FRYL: variants seen among roughly 807,000 people sequenced by gnomAD.
The protein encoded by FRYL is FRY like transcription coactivator.
FRYL carries 150 observed loss-of-function variants against 351.2 expected under a neutral mutation model. The ratio of observed to expected loss-of-function variants is 0.43; its 90% CI spans 0.37 to 0.49. FRYL has a LOEUF of 0.49. Ranked by LOEUF, FRYL falls within the 20% of genes least tolerant of loss-of-function variation. The pLI, the probability that FRYL is intolerant of heterozygous loss-of-function variation, is 0.00. For missense variants in FRYL, 3,036 were observed against 3,619.3 expected (o/e 0.84, Z 4.13); for synonymous variants, 1,153 against 1,257.1 (o/e 0.92, Z 1.75).
chr4:48,749,096 C>T (rs563950666), intron 1 of FRYL, among the ~76,000 whole-genome samples: 1 of 152,104 alleles, frequency 6.6e-6, no homozygotes, highest in Non-Finnish European at 1.5e-5. Flanking sequence ...TCAGAAAGGC[C>T]GAGAGGGGCC....
rs1342965108 is a variant in FRYL at position 48,540,964 on chromosome 4, A to G, written c.5688-4T>C. 6.5e-7 allele frequency: 1 copy of G among 1,528,512 alleles called. No homozygotes were observed. 94.7% of individuals were successfully genotyped at this position (1,528,512 alleles called of 1,614,324 possible). A position where few individuals can be genotyped will look rare whatever the true frequency, so the allele number is the denominator to read the frequency against. ...TATAGGATCATGATATGAGGTTCTTAAAAAAAAGAAAGAATAGATGAATGC... is the reference window on the plus strand; with the variant it reads ...TATAGGATCATGATATGAGGTTCTTGAAAAAAAGAAAGAATAGATGAATGC... On this transcript the variant is annotated splice_polypyrimidine_tract_variant and splice_region_variant and intron_variant, in intron 45 of 63. Transcript: ENST00000358350.
intron 1 of FRYL, among the ~76,000 whole-genome samples, chr4:48,718,495 T>C (rs1769117071): frequency 6.6e-6 from 1 of 151,596 alleles, no homozygotes; most frequent in South Asian, 2.1e-4. Flanking sequence ...TATACGTTAG[T>C]TGTATAAAAG....
At chr4:48,604,607 T>C (rs1359656626) in intron 11 of FRYL, among the ~76,000 whole-genome samples, 1 of 152,304 alleles carries the variant, frequency 6.6e-6, no homozygotes, top group African/African-American at 2.4e-5. Flanking sequence ...CACAAGAGGC[T>C]AAGCAAGGGG....
At chr4:48,776,524 A>G (rs1232647959) in intron 1 of FRYL, among the ~76,000 whole-genome samples, 1 of 152,232 alleles carries the variant, frequency 6.6e-6, no homozygotes, top group Admixed American at 6.5e-5. Context: ...ACTTCTGTTA[A>G]TTTTAGCAAA....
rs1464599457 is a variant in FRYL, at chr4:48,607,090, G to A, written c.573-484C>T. On this transcript the variant is annotated intron_variant, in intron 9 of 63. Coordinates refer to ENST00000358350, the MANE Select transcript of FRYL (RefSeq NM_015030.2). ...CTTAAAATCAATACATCATTACACTGCCAAAAGGCTTTTGAAATGTGAGCA... is the reference window on the plus strand; with the variant it reads ...CTTAAAATCAATACATCATTACACTACCAAAAGGCTTTTGAAATGTGAGCA... Among the ~76,000 whole-genome samples, 7 of 152,208 alleles carry A rather than the reference G, an allele frequency of 4.6e-5. No homozygotes were observed. In the South Asian group the frequency reaches 1.2e-3, roughly 27 times the overall value.
At chr4:48,538,111 C>A (rs879218171) in intron 47 of FRYL, among the ~76,000 whole-genome samples, 1 of 152,004 alleles carries the variant, frequency 6.6e-6, no homozygotes, top group Admixed American at 6.6e-5. Flanking sequence ...TGGTTTTAGG[C>A]GAGTAATCAT....
chr4:48,690,740 T>C (rs1198768426), intron 2 of FRYL, among the ~76,000 whole-genome samples: 3 of 152,154 alleles, frequency 2.0e-5, no homozygotes, highest in Non-Finnish European at 2.9e-5. Flanking sequence ...ATATGTATAG[T>C]TTTTTTAATT....
At chr4:48,529,347 C>A (rs1159777196) in intron 50 of FRYL, among the ~76,000 whole-genome samples, 1 of 152,140 alleles carries the variant, frequency 6.6e-6, no homozygotes, top group Non-Finnish European at 1.5e-5. Flanking sequence ...TGGTGTATCT[C>A]CAGTGCCTAT....
chr4:48,506,778 C>CAAAG (rs1365265995), intron 59 of FRYL, among the ~76,000 whole-genome samples: 1 of 151,420 alleles, frequency 6.6e-6, no homozygotes, highest in Admixed American at 6.6e-5. Context: ...GTTGTACCCA[C>CAAAG]AAAGAAAGAA....
At chr4:48,511,040 T>C (rs1398137375) in intron 57 of FRYL, 56 bp from the exon 58 acceptor site, 2 of 1,242,458 alleles carry the variant, frequency 1.6e-6, no homozygotes, top group Non-Finnish European at 2.3e-6. Flanking sequence ...CCTTTTTTCA[T>C]CTTTAAGTAA....
At chr4:48,602,234 T>A in intron 12 of FRYL, 113 bp from the exon 13 acceptor site, 4 of 626,368 alleles carry the variant, frequency 6.4e-6, no homozygotes, top group Non-Finnish European at 2.9e-6. Context: ...TTTTAAGCAG[T>A]TTTCCAATTC....
At chr4:48,562,032 AAAAC>A (rs1300904760) in intron 32 of FRYL, among the ~76,000 whole-genome samples, 1 of 152,114 alleles carries the variant, frequency 6.6e-6, no homozygotes, top group Non-Finnish European at 1.5e-5. Context: ...AAAATGAAAC[AAAAC>A]AAACAAAAAC....
chr4:48,779,254 A>G (rs1481473363), intron 1 of FRYL, among the ~76,000 whole-genome samples: 2 of 152,228 alleles, frequency 1.3e-5, no homozygotes, highest in African/African-American at 2.4e-5. Context: ...TGCAAAGAAG[A>G]GCTCAGCGCC....
Position 48,703,766 on chromosome 4 carries a change from C to T in FRYL, c.-204+6753G>A, listed in dbSNP as rs1228454642. Among the ~76,000 whole-genome samples the T allele has an allele frequency of 2.0e-5, 3 of 152,164 alleles. No homozygotes were observed. The East Asian group carries it at 5.8e-4, about 29-fold the overall frequency. On this transcript the variant is annotated intron_variant, in intron 2 of 63. Coordinates refer to ENST00000358350, the MANE Select transcript of FRYL (RefSeq NM_015030.2). ...ACATAGTTTGTGTATTTGTGGAACA[C>T]CTACTCCCCTCTTAGACCATTCCCT... is the stretch of plus-strand genomic sequence containing the variant.
At chr4:48,716,542 C>T (rs941989073) in intron 1 of FRYL, among the ~76,000 whole-genome samples, 44 of 151,604 alleles carry the variant, frequency 2.9e-4, no homozygotes, top group African/African-American at 9.9e-4. Context: ...CCATCACTGG[C>T]CATCAGAGAA....
chr4:48,675,362 G>T (rs1270556472), intron 3 of FRYL, among the ~76,000 whole-genome samples: 1 of 152,204 alleles, frequency 6.6e-6, no homozygotes, highest in South Asian at 2.1e-4. Context: ...AGCGGAAACC[G>T]GGGCTGCCTG....
chr4:48,619,653 C>T (rs567416399), intron 6 of FRYL, among the ~76,000 whole-genome samples: 44 of 152,090 alleles, frequency 2.9e-4, no homozygotes, highest in Admixed American at 2.9e-3. Context: ...TACAGGCAAG[C>T]GCCACCATGC....
chr4:48,759,824 G>A (rs1243634822), intron 1 of FRYL, among the ~76,000 whole-genome samples: 1 of 152,070 alleles, frequency 6.6e-6, no homozygotes, highest in Admixed American at 6.6e-5. Context: ...AGTAATCCAG[G>A]CTAACCCCCC....
At chr4:48,677,299 T>G (rs748862538) in intron 3 of FRYL, among the ~76,000 whole-genome samples, 11 of 152,224 alleles carry the variant, frequency 7.2e-5, no homozygotes, top group Non-Finnish European at 1.6e-4. Context: ...TTTCTATATA[T>G]TCTAAGCTAG....
Sources: gnomAD v4.1 joint callset for allele counts (sites outside exome capture counted in the v4.1 genomes callset) on GRCh38, gnomAD v4.1.1 for gene constraint, MANE v1.5 for transcripts, NCBI Gene and HGNC (gene_info 2026-07-23, HGNC 2026-07-21) for gene names.